The following TNIP1 variants were observed in gnomAD, a reference collection of about 807,000 sequenced individuals.
TNIP1 encodes TNFAIP3-interacting protein 1.
Under a neutral mutation model 86.6 loss-of-function variants are expected in TNIP1, and 22 were observed. The observed-to-expected ratio is 0.25, with a 90% CI of 0.18 to 0.36. TNIP1 has a LOEUF of 0.36. TNIP1 is among the 10% of genes least tolerant of loss of function. The pLI is 1.00. For missense variants in TNIP1, 709 were observed against 820.6 expected, an observed-to-expected ratio of 0.86 and a Z score of 1.66; for synonymous variants, 294 against 313.0, an observed-to-expected ratio of 0.94 and a Z score of 0.64.
chr5:151,085,255 A>C (rs1450890515), upstream of TNIP1, among the ~76,000 whole-genome samples: 1 of 152,210 alleles, frequency 6.6e-6, no homozygotes, highest in Non-Finnish European at 1.5e-5. Context: ...TGAAGGCTGT[A>C]ACTGTGCCCA....
At chr5:151,068,701 G>C (rs1581895577) in intron 1 of TNIP1, among the ~76,000 whole-genome samples, 1 of 152,300 alleles carries the variant, frequency 6.6e-6, no homozygotes, top group South Asian at 2.1e-4. Context: ...AGTCAGGATG[G>C]AGCTGGGACC....
chr5:151,072,656 T>C (rs114668166), intron 1 of TNIP1, among the ~76,000 whole-genome samples: 2,454 of 152,280 alleles, frequency 0.016, 77 homozygotes, highest in African/African-American at 0.056. Context: ...CTGTTCCACA[T>C]AGGGACTGCC....
intron 11 of TNIP1, among the ~76,000 whole-genome samples, chr5:151,042,192 C>G (rs545277719): frequency 1.3e-5 from 2 of 152,224 alleles, no homozygotes; most frequent in South Asian, 4.2e-4. Flanking sequence ...CCACCCGTCT[C>G]GGCCTCCCCA....
chr5:151,040,465 C>T (rs932534099), intron 11 of TNIP1, among the ~76,000 whole-genome samples: 6 of 152,166 alleles, frequency 3.9e-5, no homozygotes, highest in Admixed American at 1.3e-4. Flanking sequence ...AAGAGGCTCC[C>T]GGATGGGCAT....
chr5:151,082,352 C>T (rs1479068003), upstream of TNIP1, among the ~76,000 whole-genome samples: 1 of 152,066 alleles, frequency 6.6e-6, no homozygotes, highest in Admixed American at 6.5e-5. Flanking sequence ...AGGGAGGAAG[C>T]GATGCAAACT....
chr5:151,046,226 C>A, intron 8 of TNIP1: 1 of 478,018 alleles, frequency 2.1e-6, no homozygotes, highest in South Asian at 2.1e-5. Context: ...TGTTTAGGTA[C>A]AACCTCTAAG....
intron 6 of TNIP1, among the ~76,000 whole-genome samples, chr5:151,053,048 A>G (rs112073679): frequency 4.4e-4 from 67 of 151,628 alleles, no homozygotes; most frequent in African/African-American, 1.6e-3. Context: ...ACGCCCTCAC[A>G]ATGTGGCTGT....
At chr5:151,085,694 C>T (rs1249192140), upstream of TNIP1, among the ~76,000 whole-genome samples, 2 of 151,636 alleles carry the variant, frequency 1.3e-5, no homozygotes, top group Non-Finnish European at 2.9e-5. Context: ...CAGCGTCTCT[C>T]CCCCTGGCCT....
At chr5:151,083,065 C>T (rs1764141674), upstream of TNIP1, among the ~76,000 whole-genome samples, 1 of 152,148 alleles carries the variant, frequency 6.6e-6, no homozygotes, top group African/African-American at 2.4e-5. Flanking sequence ...GTCCACTGTA[C>T]CAAGTTGTCT....
intron 15 of TNIP1, 117 bp downstream of exon 15, chr5:151,034,885 T>A (rs1757494124): frequency 2.8e-6 from 3 of 1,081,384 alleles, no homozygotes; most frequent in Non-Finnish European, 4.2e-6. Flanking sequence ...GTATTACTCA[T>A]CAGTTAGTTA....
At chr5:151,063,873 C>T in intron 2 of TNIP1, 126 bp from the exon 3 acceptor site, 1 of 1,232,518 alleles carries the variant, frequency 8.1e-7, no homozygotes, top group South Asian at 1.5e-5. Context: ...ACTTCACTCC[C>T]ACCGTTGCTC....
chr5:151,070,526 T>G (rs1418962327), intron 1 of TNIP1, among the ~76,000 whole-genome samples: 1 of 152,202 alleles, frequency 6.6e-6, no homozygotes, highest in Middle Eastern at 3.2e-3. Context: ...GCAGGGTGCC[T>G]GGACACACCA....
At chr5:151,043,203 T>C (rs1758680028) in intron 9 of TNIP1, among the ~76,000 whole-genome samples, 1 of 152,138 alleles carries the variant, frequency 6.6e-6, no homozygotes, top group African/African-American at 2.4e-5. Context: ...GGAAACTACA[T>C]AGTTTTGGTG....
In TNIP1 at chr5:151,072,768, C is replaced by A. The variant is rs77616193; in HGVS notation, c.-36-7637G>T. ...CATGGTTTGCCTGACCAAATGCAGG[C>A]TTTCACCTCCACCCTTTTAGGTAGT... On this transcript the variant is annotated intron_variant, in intron 1 of 17. Coordinates refer to ENST00000521591, the MANE Select transcript of TNIP1 (RefSeq NM_006058.5). 5.8e-3 allele frequency among the ~76,000 whole-genome samples: 886 copies of A among 152,284 alleles called. 9 individuals are homozygous for A. The highest frequency in any genetic ancestry group is 0.021 in the African/African-American group (855 of 41,554).
Position 151,032,318 on chromosome 5 carries a change from C to T in TNIP1, c.1845G>A (p.Met615Ile), listed in dbSNP as rs1228655672. 1 of 1,613,910 alleles carries T rather than the reference C, an allele frequency of 6.2e-7. No individual in the cohort carries two copies. Among genetic ancestry groups the T allele is most frequent in the African/African-American group, 1.3e-5 (1 of 74,910 alleles). The change falls in exon 17 of 18, where the codon ATG becomes ATA. Residue 615 changes from methionine (M) to isoleucine (I), a missense_variant. By Grantham distance (10) the Met-to-Ile change is conservative (BLOSUM62 1). Coordinates refer to ENST00000521591, the MANE Select transcript of TNIP1 (RefSeq NM_006058.5). ...CTGTAGGCCTGGCTGTGGGAGGGTC[C>T]ATCACTTGGGAGCTCTGATTTGGAT... The part of the protein sequence containing the change: ...VRNPNQSSQV[M>I]DPPTARPTEP...
At chr5:151,050,072 A>T in intron 7 of TNIP1, 125 bp from the exon 8 acceptor site, 1 of 1,476,148 alleles carries the variant, frequency 6.8e-7, no homozygotes, top group Non-Finnish European at 9.1e-7. Flanking sequence ...GGATCCTGAA[A>T]CCTGCCCTCC....
At chr5:151,059,868 C>CGT (rs1488024774) in intron 5 of TNIP1, among the ~76,000 whole-genome samples, 3 of 72,076 alleles carry the variant, frequency 4.2e-5, no homozygotes, top group Admixed American at 2.9e-4. Context: ...TGTGTGTGTG[C>CGT]GCGCGCGCGC....
chr5:151,057,050 C>A, intron 5 of TNIP1, 93 bp from the exon 6 acceptor site: 1 of 1,231,554 alleles, frequency 8.1e-7, no homozygotes, highest in Non-Finnish European at 1.0e-6. Flanking sequence ...TTTCTCATGA[C>A]TCAGTTTCCC....
intron 14 of TNIP1, 58 bp downstream of exon 14, chr5:151,035,524 T>C (rs1172005893): frequency 8.1e-6 from 13 of 1,612,492 alleles, no homozygotes; most frequent in East Asian, 2.2e-5. Flanking sequence ...CTCCAATCCA[T>C]GCCCCCTCTC....
Sources: allele counts gnomAD v4.1 joint callset (sites outside exome capture counted in the v4.1 genomes callset), GRCh38; gene constraint gnomAD v4.1.1; transcripts MANE v1.5; gene names NCBI Gene and HGNC (gene_info 2026-07-23, HGNC 2026-07-21).